BLM: variants seen among roughly 807,000 people sequenced by gnomAD.
BLM encodes the protein recQ-like DNA helicase BLM.
Under a neutral mutation model 135.3 loss-of-function variants are expected in BLM, and 95 were observed. The observed-to-expected ratio is 0.70, with a 90% CI of 0.59 to 0.83. BLM has a LOEUF of 0.83. BLM is among the 40% of genes least tolerant of loss of function. The pLI is 0.00. For synonymous variants in BLM, 520 were observed against 589.2 expected (o/e 0.88, Z 1.70); for missense variants, 1,518 against 1,663.9 (o/e 0.91, Z 1.53).
Position 90,760,661 on chromosome 15 carries a change from T to C in BLM, c.1288T>C (p.Tyr430His), listed in dbSNP as rs1314473930. The part of the protein sequence containing the change: ...DASLLGSLWR[Y>H]RPDSLDGPME... The stretch of plus-strand genomic sequence containing the variant: ...CAGTCTTCTTGGCTCATTGTGGAGA[T>C]ACAGGCCTGATTCACTTGATGGCCC... Residue 430 changes from tyrosine to histidine, a missense_variant, in exon 7 of 22, where the codon TAC becomes CAC. This residue lies in a region of BLM where 724 missense variants were observed against 756.9 expected (regional missense o/e 0.96). Coordinates refer to ENST00000355112, the MANE Select transcript of BLM (RefSeq NM_000057.4). The C allele has an allele frequency of 4.3e-6, 7 of 1,613,860 alleles. No individual in the cohort carries two copies. Among genetic ancestry groups the C allele is most frequent in the Non-Finnish European group, 5.9e-6 (7 of 1,179,850 alleles).
intron 17 of BLM, among the ~76,000 whole-genome samples, chr15:90,802,625 T>A (rs1166209885): frequency 6.6e-6 from 1 of 152,150 alleles, no homozygotes; most frequent in Non-Finnish European, 1.5e-5. Context: ...GGGCCAGGGA[T>A]CATATTTAGA....
At chr15:90,802,887 T>C (rs1176347494) in intron 17 of BLM, among the ~76,000 whole-genome samples, 1 of 152,206 alleles carries the variant, frequency 6.6e-6, no homozygotes, top group African/African-American at 2.4e-5. Flanking sequence ...ATGATGTGCT[T>C]ACTTCACACT....
At chr15:90,778,617 A>G (rs375900054) in intron 12 of BLM, among the ~76,000 whole-genome samples, 7 of 152,192 alleles carry the variant, frequency 4.6e-5, no homozygotes, top group Non-Finnish European at 1.0e-4. Context: ...TGTAAATAGA[A>G]TCATCCAATA....
intron 12 of BLM, among the ~76,000 whole-genome samples, chr15:90,776,276 G>A (rs918985951): frequency 2.5e-4 from 38 of 152,084 alleles, no homozygotes; most frequent in African/African-American, 8.9e-4. Context: ...GGGAAAATAA[G>A]CAAGATCAAT....
In BLM at chr15:90,749,337, A is replaced by T. The variant is rs771267359; in HGVS notation, c.99-30A>T. The T allele has an allele frequency of 7.8e-6, 12 of 1,532,256 alleles. No homozygotes were observed. The African/African-American group carries it at 1.7e-4, about 21-fold the overall frequency. The allele number at this position is 1,532,256 out of a possible 1,614,324, so 94.9% of individuals were successfully genotyped here. ...TTGGGGGGTTTCTTAAAATGGATCC[A>T]TCTAATCTAGTTTTTCCATTATTTT... is the stretch of plus-strand genomic sequence containing the variant. On this transcript the variant is annotated intron_variant, in intron 2 of 21. Coordinates refer to ENST00000355112, the MANE Select transcript of BLM (RefSeq NM_000057.4).
At chr15:90,798,447 A>T in intron 17 of BLM, 110 bp downstream of exon 17, 1 of 1,161,532 alleles carries the variant, frequency 8.6e-7, no homozygotes, top group East Asian at 2.4e-5. Flanking sequence ...ATAAAACTTG[A>T]GTTTCTGAAT....
intron 20 of BLM, among the ~76,000 whole-genome samples, chr15:90,809,623 T>C (rs2151198639): frequency 6.6e-6 from 1 of 152,324 alleles, no homozygotes; most frequent in South Asian, 2.1e-4. Flanking sequence ...ATCAGGTTCC[T>C]CCACCAAGGA....
intron 19 of BLM, among the ~76,000 whole-genome samples, chr15:90,804,932 G>A (rs1364796300): frequency 6.6e-6 from 1 of 152,124 alleles, no homozygotes; most frequent in African/African-American, 2.4e-5. Flanking sequence ...CGCCTCCCAG[G>A]TTCAAGCGAT....
intron 1 of BLM, among the ~76,000 whole-genome samples, chr15:90,728,563 G>A (rs975477424): frequency 4.0e-5 from 6 of 151,368 alleles, no homozygotes; most frequent in Non-Finnish European, 8.8e-5. Context: ...CTGCCACCAC[G>A]TTCAGCTAAT....
At chr15:90,793,987 T>C in intron 15 of BLM, 180 bp from the exon 16 acceptor site, 1 of 419,462 alleles carries the variant, frequency 2.4e-6, no homozygotes. Context: ...AGTACTAAAA[T>C]CTTGAGGATG....
Position 90,811,263 on chromosome 15 carries a change from C to T in BLM, c.3933C>T (p.Ala1311=), listed in dbSNP as rs756451802. The T allele has an allele frequency of 8.7e-6, 14 of 1,613,976 alleles. No homozygotes were observed. The highest frequency in any genetic ancestry group is 3.3e-4 in the Middle Eastern group (2 of 6,042). Residue 1311 remains alanine, a synonymous_variant, in exon 21 of 22, where the codon GCC becomes GCT. Coordinates refer to ENST00000355112, the MANE Select transcript of BLM (RefSeq NM_000057.4). The part of the protein sequence containing the change: ...LSSSRGPGRS[A]AEELDEEIPV... The stretch of plus-strand genomic sequence containing the variant: ...GCAGCAGAGGCCCCGGAAGAAGTGC[C>T]GCTGAGGAGCTCGACGAGGAAATAC...
chr15:90,788,479 T>TTTTTTTTTTTTTTG (rs1896812883), intron 14 of BLM, among the ~76,000 whole-genome samples: 3 of 144,474 alleles, frequency 2.1e-5, no homozygotes, highest in Admixed American at 6.9e-5. Flanking sequence ...TTGTTTTTTT[T>TTTTTTTTTTTTTTG]TTTTTTTTTT....
At chr15:90,755,630 A>ATT (rs1260861556) in intron 5 of BLM, among the ~76,000 whole-genome samples, 2 of 151,124 alleles carry the variant, frequency 1.3e-5, no homozygotes, top group East Asian at 3.9e-4. Context: ...TCTTGTAGAC[A>ATT]TTTTTCTGGC....
At chr15:90,814,284 G>C (rs1016477147) in intron 21 of BLM, among the ~76,000 whole-genome samples, 1 of 152,198 alleles carries the variant, frequency 6.6e-6, no homozygotes, top group Admixed American at 6.5e-5. Context: ...AGCAGGAAAG[G>C]CTTCTGCGGG....
intron 17 of BLM, 138 bp from the exon 18 acceptor site, chr15:90,803,383 G>T (rs1897207796): frequency 1.5e-6 from 1 of 656,660 alleles, no homozygotes. Context: ...TCATTTAACA[G>T]AAATGAGTGT....
At chr15:90,773,511 C>CTTTTTTTTTT (rs55678339) in intron 12 of BLM, among the ~76,000 whole-genome samples, 18 of 100,846 alleles carry the variant, frequency 1.8e-4, no homozygotes, top group African/African-American at 3.7e-4. Flanking sequence ...CTTCAATGGC[C>CTTTTTTTTTT]TTTTTTTTTT....
intron 12 of BLM, among the ~76,000 whole-genome samples, chr15:90,779,580 A>C (rs181266291): frequency 1.3e-5 from 2 of 152,222 alleles, no homozygotes; most frequent in African/African-American, 4.8e-5. Flanking sequence ...CTTTTCAAGC[A>C]CTAAAAGGAC....
At chr15:90,748,747 T>G (rs1488759098) in intron 2 of BLM, among the ~76,000 whole-genome samples, 2 of 152,004 alleles carry the variant, frequency 1.3e-5, no homozygotes, top group Middle Eastern at 3.4e-3. Flanking sequence ...TTTGAATCTC[T>G]TCCGTTTTTC....
chr15:90,727,044 C>T (rs1361752647), intron 1 of BLM, among the ~76,000 whole-genome samples: 1 of 152,204 alleles, frequency 6.6e-6, no homozygotes, highest in African/African-American at 2.4e-5. Context: ...TTTATATTCT[C>T]ACCATCAGTG....
Sources: allele counts gnomAD v4.1 joint callset (sites outside exome capture counted in the v4.1 genomes callset), GRCh38; gene constraint gnomAD v4.1.1; regional missense constraint gnomAD v4.1.1; transcripts MANE v1.5; gene names NCBI Gene and HGNC (gene_info 2026-07-23, HGNC 2026-07-21).